The following NAV3 variants were observed in gnomAD, a reference collection of about 807,000 sequenced individuals.
NAV3 encodes the protein neuron navigator 3.
Under a neutral mutation model 244.7 loss-of-function variants are expected in NAV3, and 87 were observed. That is an observed-to-expected ratio of 0.36 (90% CI 0.30 to 0.42). The LOEUF (loss-of-function observed/expected upper bound fraction) is 0.42. NAV3 is among the 20% of genes least tolerant of loss of function. The pLI is 1.00. For missense variants in NAV3, 2,663 were observed against 2,893.3 expected (o/e 0.92, Z 1.83); for synonymous variants, 1,126 against 1,042.2 (o/e 1.08, Z -1.55).
Position 77,743,287 on chromosome 12 carries a change from A to C in NAV3, c.72+171021A>C, listed in dbSNP as rs569767207. 3.9e-5 allele frequency among the ~76,000 whole-genome samples: 6 copies of C among 152,074 alleles called. No homozygotes were observed. In the South Asian group the frequency reaches 1.0e-3, roughly 26 times the overall value. ...CGGTTTATATTATTGGTAAGTTTCT[A>C]GTCAACAGTAGGCTAATATTAGTTA... is the stretch of plus-strand genomic sequence containing the variant. On this transcript the variant is annotated intron_variant, in intron 2 of 8. Coordinates refer to the NAV3 transcript ENST00000550042.
At chr12:77,607,714 A>G (rs695981) in intron 2 of NAV3, among the ~76,000 whole-genome samples, 50,281 of 151,848 alleles carry the variant, frequency 0.33, 8,616 homozygotes, top group Middle Eastern at 0.5. Context: ...ACCCCATACC[A>G]TTTCTATTGT....
intron 12 of NAV3, among the ~76,000 whole-genome samples, chr12:78,080,491 G>A (rs554310323): frequency 6.6e-5 from 10 of 152,290 alleles, no homozygotes; most frequent in Non-Finnish European, 1.3e-4. Flanking sequence ...ACAATTTCCA[G>A]AGATACTTTT....
At chr12:77,705,403 C>CA (rs1875751292) in intron 2 of NAV3, among the ~76,000 whole-genome samples, 1 of 151,110 alleles carries the variant, frequency 6.6e-6, no homozygotes. Flanking sequence ...GACTCTGTCT[C>CA]AAAAAAACAA....
At chr12:78,024,823 A>T (rs1877735449) in intron 9 of NAV3, among the ~76,000 whole-genome samples, 1 of 152,064 alleles carries the variant, frequency 6.6e-6, no homozygotes, top group African/African-American at 2.4e-5. Context: ...AAAATACAAA[A>T]AAATAGCCAG....
chr12:78,187,339 A>G (rs1958766002), intron 31 of NAV3, among the ~76,000 whole-genome samples: 1 of 151,890 alleles, frequency 6.6e-6, no homozygotes, highest in Non-Finnish European at 1.5e-5. Context: ...CATATCTTCT[A>G]ACTCATGACT....
intron 2 of NAV3, among the ~76,000 whole-genome samples, chr12:77,705,239 C>CATATTTCACCTGCTTG (rs1555196507): frequency 2.0e-5 from 3 of 151,584 alleles, no homozygotes; most frequent in African/African-American, 2.4e-5. Context: ...GCCAACATAG[C>CATATTTCACCTGCTTG]GAAACCCTGT....
rs967808573 is a variant in NAV3, at chr12:78,051,244, G to A, written c.2516+97G>A. 13 of 1,390,258 alleles carry A rather than the reference G, an allele frequency of 9.4e-6. No individual in the cohort carries two copies. In the African/African-American group the frequency reaches 1.1e-4, roughly 12 times the overall value. The allele number at this position is 1,390,258 out of a possible 1,614,324, so 86.1% of individuals were successfully genotyped here. A position where few individuals can be genotyped will look rare whatever the true frequency, so the allele number is the denominator to read the frequency against. On this transcript the variant is annotated intron_variant, in intron 11 of 39. Coordinates refer to ENST00000397909, the MANE Select transcript of NAV3 (RefSeq NM_001024383.2). ...ACAAATGTGTAAGTTTGCCCAGAAA[G>A]TCATGAGAACATATGAGATATCTGA...
At chr12:77,692,282 A>C (rs1918542) in intron 2 of NAV3, among the ~76,000 whole-genome samples, 1 of 151,984 alleles carries the variant, frequency 6.6e-6, no homozygotes, top group African/African-American at 2.4e-5. Flanking sequence ...AAAATATTTT[A>C]CATTTATGAT....
intron 12 of NAV3, among the ~76,000 whole-genome samples, chr12:78,063,094 T>C (rs1016111490): frequency 1.6e-4 from 25 of 152,158 alleles, no homozygotes; most frequent in Non-Finnish European, 2.9e-5. Flanking sequence ...AGAGAACAAC[T>C]GAATTCCTCT....
chr12:77,829,833 C>G (rs748484168), upstream of NAV3, among the ~76,000 whole-genome samples: 1 of 152,104 alleles, frequency 6.6e-6, no homozygotes, highest in Non-Finnish European at 1.5e-5. Flanking sequence ...GATTTAAAGA[C>G]CTGGAAACAG....
chr12:78,118,343 A>G, intron 14 of NAV3, 46 bp downstream of exon 14: 1 of 1,541,374 alleles, frequency 6.5e-7, no homozygotes, highest in Non-Finnish European at 8.7e-7. Flanking sequence ...GCTTTACTTT[A>G]TTGTTTCCAT....
At chr12:77,924,374 G>A (rs1461507632) in intron 1 of NAV3, among the ~76,000 whole-genome samples, 9 of 152,084 alleles carry the variant, frequency 5.9e-5, no homozygotes, top group Non-Finnish European at 1.2e-4. Context: ...AAGGAGAGGA[G>A]AGCTGGAAAT....
At chr12:77,764,598 A>G (rs1474570408) in intron 2 of NAV3, among the ~76,000 whole-genome samples, 1 of 152,250 alleles carries the variant, frequency 6.6e-6, no homozygotes, top group African/African-American at 2.4e-5. Context: ...AATTTTCTAT[A>G]TTACTTCATA....
intron 2 of NAV3, among the ~76,000 whole-genome samples, chr12:77,587,947 A>T (rs576915558): frequency 6.6e-6 from 1 of 152,206 alleles, no homozygotes; most frequent in Non-Finnish European, 1.5e-5. Flanking sequence ...TCAAAGACAC[A>T]TATATAATAG....
intron 2 of NAV3, among the ~76,000 whole-genome samples, chr12:77,738,042 G>A (rs978306253): frequency 2.0e-5 from 3 of 151,996 alleles, no homozygotes; most frequent in African/African-American, 7.3e-5. Context: ...TCTTCAGGTC[G>A]TTTTCCTCCT....
intron 2 of NAV3, among the ~76,000 whole-genome samples, chr12:77,683,395 A>G (rs1874562620): frequency 6.6e-6 from 1 of 151,850 alleles, no homozygotes; most frequent in African/African-American, 2.4e-5. Flanking sequence ...TGCCAGTACC[A>G]TGCTGTTTTG....
chr12:77,997,854 T>G (rs1345363981), intron 6 of NAV3, among the ~76,000 whole-genome samples: 1 of 152,244 alleles, frequency 6.6e-6, no homozygotes, highest in African/African-American at 2.4e-5. Flanking sequence ...CTATTCCTTC[T>G]TGTTCAGTAA....
intron 21 of NAV3, 25 bp from the exon 22 acceptor site, chr12:78,148,817 C>T (rs1225885341): frequency 6.3e-7 from 1 of 1,582,560 alleles, no homozygotes; most frequent in Non-Finnish European, 8.6e-7. Flanking sequence ...TTGCCTATTC[C>T]ATTGATTTTT....
chr12:77,659,576 G>T (rs886905413), intron 2 of NAV3, among the ~76,000 whole-genome samples: 8 of 152,140 alleles, frequency 5.3e-5, no homozygotes, highest in African/African-American at 1.4e-4. Flanking sequence ...TCTAGAACTA[G>T]AAATACTATT....
Sources: gnomAD v4.1 joint callset for allele counts (sites outside exome capture counted in the v4.1 genomes callset) on GRCh38, gnomAD v4.1.1 for gene constraint, MANE v1.5 for transcripts, NCBI Gene and HGNC (gene_info 2026-07-23, HGNC 2026-07-21) for gene names.